RANBP2: variants seen among roughly 807,000 people sequenced by gnomAD.
RANBP2 encodes the protein E3 SUMO-protein ligase RanBP2.
RANBP2 carries 57 observed loss-of-function variants against 303.6 expected under a neutral mutation model. The ratio of observed to expected loss-of-function variants is 0.19; its 90% confidence interval spans 0.15 to 0.23. RANBP2 has a LOEUF of 0.23. Ranked by LOEUF, RANBP2 falls within the 10% of genes least tolerant of loss-of-function variation. RANBP2 has a pLI of 1.00. For synonymous variants in RANBP2, 1,167 were observed against 1,301.5 expected, an observed-to-expected ratio of 0.90 and a Z score of 2.23; for missense variants, 3,138 against 3,780.8, an observed-to-expected ratio of 0.83 and a Z score of 4.46.
chr2:109,667,607 G>A, the RANBP2 span, among the ~76,000 whole-genome samples: 4 of 152,128 alleles, frequency 2.6e-5, no homozygotes, highest in African/African-American at 9.7e-5. Context: ...GCTCACACCT[G>A]TATCTCCATG....
the RANBP2 span, among the ~76,000 whole-genome samples, chr2:109,104,464 GT>G: frequency 3.1e-4 from 45 of 147,190 alleles, no homozygotes; most frequent in Non-Finnish European, 3.6e-4. Context: ...GAGGGATTAG[GT>G]TTTTTTTTTG....
the RANBP2 span, among the ~76,000 whole-genome samples, chr2:109,325,099 C>CA: frequency 6.6e-6 from 1 of 152,124 alleles, no homozygotes; most frequent in Admixed American, 6.5e-5. Context: ...ATGGCTCTGA[C>CA]AAGGCCCAAG....
the RANBP2 span, among the ~76,000 whole-genome samples, chr2:109,670,791 A>C: frequency 6.6e-6 from 1 of 152,140 alleles, no homozygotes; most frequent in African/African-American, 2.4e-5. Context: ...TGGGGGAATC[A>C]CAAGGGGACA....
the RANBP2 span, among the ~76,000 whole-genome samples, chr2:109,569,387 C>T: frequency 4.4e-3 from 655 of 149,294 alleles, 3 homozygotes; most frequent in Non-Finnish European, 5.7e-3. Flanking sequence ...GCCGAGATCG[C>T]GTCATTGCAT....
At chr2:109,689,932 A>G in the RANBP2 span, among the ~76,000 whole-genome samples, 5 of 152,284 alleles carry the variant, frequency 3.3e-5, no homozygotes, top group East Asian at 9.6e-4. Context: ...CCTAAATTGT[A>G]TTCGATTTAA....
At chr2:109,020,711 C>T in the RANBP2 span, among the ~76,000 whole-genome samples, 2 of 152,204 alleles carry the variant, frequency 1.3e-5, no homozygotes, top group Non-Finnish European at 2.9e-5. Flanking sequence ...ATGTGATTTT[C>T]CATGAGGTGA....
At chr2:109,525,874 A>G in the RANBP2 span, among the ~76,000 whole-genome samples, 12 of 152,068 alleles carry the variant, frequency 7.9e-5, no homozygotes, top group Admixed American at 3.9e-4. Flanking sequence ...TGGTCCTACC[A>G]TTGTCATTGG....
chr2:109,564,842 C>A, the RANBP2 span, among the ~76,000 whole-genome samples: 1 of 152,312 alleles, frequency 6.6e-6, no homozygotes, highest in South Asian at 2.1e-4. Flanking sequence ...TTATTTCACA[C>A]TAATATTTTG....
At chr2:108,993,031 A>C in the RANBP2 span, among the ~76,000 whole-genome samples, 1 of 152,204 alleles carries the variant, frequency 6.6e-6, no homozygotes, top group Admixed American at 6.5e-5. Flanking sequence ...AATATTTGTG[A>C]TTTAAAGTCT....
the RANBP2 span, among the ~76,000 whole-genome samples, chr2:109,627,300 G>A: frequency 2.6e-5 from 4 of 152,148 alleles, no homozygotes; most frequent in African/African-American, 7.2e-5. Flanking sequence ...GGGTTCAAGC[G>A]ATTCTCCTGC....
chr2:108,918,709 T>C, the RANBP2 span, among the ~76,000 whole-genome samples: 1 of 152,190 alleles, frequency 6.6e-6, no homozygotes, highest in African/African-American at 2.4e-5. Flanking sequence ...AGCACATGGC[T>C]GGAGGGAGCT....
At chr2:109,744,427 ATTTT>A in the RANBP2 span, among the ~76,000 whole-genome samples, 1 of 97,520 alleles carries the variant, frequency 1.0e-5, no homozygotes, top group African/African-American at 2.8e-5. Context: ...CTTTTGAGAA[ATTTT>A]TTTTTTTTTT....
At chr2:108,886,908 A>G in the RANBP2 span, among the ~76,000 whole-genome samples, 1 of 151,964 alleles carries the variant, frequency 6.6e-6, no homozygotes, top group Admixed American at 6.6e-5. Context: ...TTATAATCCT[A>G]TTTGTCTATT....
At chr2:109,129,007 G>C in the RANBP2 span, 1 of 424,798 alleles carries the variant, frequency 2.4e-6, no homozygotes, top group South Asian at 1.6e-5. Flanking sequence ...CGAGGAAGAG[G>C]AACGGTCCTG....
Position 108,753,125 on chromosome 2 carries a change from C to T in RANBP2, c.1883C>T (p.Pro628Leu), listed in dbSNP as rs1260688497. 1.2e-6 allele frequency: 2 copies of T among 1,609,060 alleles called. No homozygotes were observed. Among genetic ancestry groups the T allele is most frequent in the African/African-American group, 2.7e-5 (2 of 74,680 alleles). ...AACAGTATTCCTGAACCTATTGATC[C>T]TCTGTTTAAACATTTTCATAGTGTA... ...KKNSIPEPID[P>L]LFKHFHSVDI... The change falls in exon 13 of 29, where the codon CCT becomes CTT. Residue 628 changes from proline to leucine, a missense_variant. Pro to Leu is a moderately conservative substitution (Grantham distance 98). Coordinates refer to ENST00000283195, the MANE Select transcript of RANBP2 (RefSeq NM_006267.5).
chr2:109,197,336 A>AGAAGG, the RANBP2 span, among the ~76,000 whole-genome samples: 1,434 of 152,254 alleles, frequency 9.4e-3, 11 homozygotes, highest in East Asian at 0.035. Context: ...GGAGGGGTTA[A>AGAAGG]GAAGGGAAGG....
chr2:108,824,262 T>C, the RANBP2 span, among the ~76,000 whole-genome samples: 1 of 152,222 alleles, frequency 6.6e-6, no homozygotes, highest in Admixed American at 6.5e-5. Flanking sequence ...CTCTGTAATA[T>C]TAACACTTCA....
chr2:109,595,810 G>C, the RANBP2 span, among the ~76,000 whole-genome samples: 1 of 152,204 alleles, frequency 6.6e-6, no homozygotes, highest in African/African-American at 2.4e-5. Context: ...TTCTGCTAAA[G>C]GCTAAGTGCC....
the RANBP2 span, chr2:109,371,657 G>T: frequency 1.2e-6 from 2 of 1,613,964 alleles, no homozygotes; most frequent in Non-Finnish European, 1.7e-6. Flanking sequence ...ACAAGATCGG[G>T]ATCTTCCCGC....
Sources: allele counts gnomAD v4.1 joint callset (sites outside exome capture counted in the v4.1 genomes callset), GRCh38; gene constraint gnomAD v4.1.1; transcripts MANE v1.5; gene names NCBI Gene and HGNC (gene_info 2026-07-23, HGNC 2026-07-21).